Variants in RNF122 observed in about 807,000 individuals in gnomAD.
RNF122 encodes the protein ring finger protein 122.
Under a neutral mutation model 24.2 loss-of-function variants are expected in RNF122, and 17 were observed. That is an observed-to-expected ratio of 0.70 (90% CI 0.48 to 1.06). RNF122 has a LOEUF of 1.06. RNF122 is among the 50% of genes least tolerant of loss of function. RNF122 has a pLI of 0.00. For synonymous variants in RNF122, 65 were observed against 71.8 expected, an observed-to-expected ratio of 0.91 and a Z score of 0.48; for missense variants, 168 against 198.1, an observed-to-expected ratio of 0.85 and a Z score of 0.91.
At chr8:33,561,315 G>A (rs1270284727) in intron 1 of RNF122, among the ~76,000 whole-genome samples, 1 of 152,064 alleles carries the variant, frequency 6.6e-6, no homozygotes, top group Non-Finnish European at 1.5e-5. Flanking sequence ...AGCAGAAGGT[G>A]GCTTGAAAGA....
At position 33,551,014 on chromosome 8, in the gene RNF122, C is replaced by T. The variant is rs201848103; in HGVS notation, c.270+30G>A. The T allele has an allele frequency of 3.1e-6, 5 of 1,611,614 alleles. No homozygotes were observed. The African/African-American group carries it at 6.7e-5, about 22-fold the overall frequency. ...GTGCTGTCTGCCTCACCTGCTGGGGCCCTCCTGCACACTTTCCTGGCACAC... is the reference window on the plus strand; with the variant it reads ...GTGCTGTCTGCCTCACCTGCTGGGGTCCTCCTGCACACTTTCCTGGCACAC... On this transcript the variant is annotated intron_variant, in intron 4 of 5. Transcript: ENST00000256257.
intron 1 of RNF122, among the ~76,000 whole-genome samples, chr8:33,560,745 T>C (rs1216749763): frequency 6.6e-6 from 1 of 151,990 alleles, no homozygotes; most frequent in East Asian, 1.9e-4. Flanking sequence ...GAGATCAGCC[T>C]GGCCAACATG....
intron 2 of RNF122, among the ~76,000 whole-genome samples, chr8:33,554,779 G>C (rs1810424815): frequency 6.6e-6 from 1 of 152,176 alleles, no homozygotes; most frequent in African/African-American, 2.4e-5. Flanking sequence ...GCCAGGTCCT[G>C]AAAATAATGT....
intron 1 of RNF122, among the ~76,000 whole-genome samples, chr8:33,565,538 A>G (rs1810609494): frequency 6.6e-6 from 1 of 152,158 alleles, no homozygotes; most frequent in Non-Finnish European, 1.5e-5. Flanking sequence ...GGCGATTAGT[A>G]TCCAAGGTTT....
In RNF122 at chr8:33,548,717, AG is replaced by A. The variant is rs775944008; in HGVS notation, c.*35del. The A allele has an allele frequency of 7.6e-7, 1 of 1,310,406 alleles. No individual in the cohort carries two copies. Among genetic ancestry groups the A allele is most frequent in the Non-Finnish European group, 1.1e-6 (1 of 903,210 alleles). The allele number at this position is 1,310,406 out of a possible 1,614,324, so 81.2% of individuals were successfully genotyped here. A position where few individuals can be genotyped will look rare whatever the true frequency, so the allele number is the denominator to read the frequency against. On this transcript the variant is annotated 3_prime_UTR_variant, in exon 6 of 6. Transcript: ENST00000256257. ...AGAGGGACCAGACATCCATGAGGCAAGAGGTCTTCTCCAGGTCTCGGTGTAG... is the reference window on the plus strand; with the variant it reads ...AGAGGGACCAGACATCCATGAGGCAAAGGTCTTCTCCAGGTCTCGGTGTAG...
chr8:33,554,040 AAAAGGTCTTTGTACATAC>A, intron 2 of RNF122, among the ~76,000 whole-genome samples: 2 of 152,334 alleles, frequency 1.3e-5, no homozygotes, highest in Admixed American at 1.3e-4. Context: ...CTTGGTCCAG[AAAAGGTCTTTGTACATAC>A]ACATGTGTCT....
intron 1 of RNF122, among the ~76,000 whole-genome samples, chr8:33,564,923 C>T (rs996900865): frequency 2.6e-5 from 4 of 152,150 alleles, no homozygotes; most frequent in Non-Finnish European, 5.9e-5. Context: ...AGTCTAAAAT[C>T]TGATATGAAA....
chr8:33,549,552 C>A (rs1218182819), intron 4 of RNF122, 60 bp from the exon 5 acceptor site: 1 of 1,333,786 alleles, frequency 7.5e-7, no homozygotes, highest in Non-Finnish European at 1.1e-6. Context: ...TCATTCAACC[C>A]CAGACAAGAA....
Position 33,548,651 on chromosome 8 carries a change from T to C in RNF122, c.*102A>G, listed in dbSNP as rs973531310. 1.3e-6 allele frequency: 1 copy of C among 758,380 alleles called. No homozygotes were observed. The highest frequency in any genetic ancestry group is 1.7e-5 in the African/African-American group (1 of 58,226). 47.0% of individuals were successfully genotyped at this position (758,380 alleles called of 1,614,324 possible). ...ACCACCCTTCTCATCACTGGGAAAG[T>C]GATCGTCATCACCCTACAGTCCTGT... is the stretch of plus-strand genomic sequence containing the variant. On this transcript the variant is annotated 3_prime_UTR_variant, in exon 6 of 6. Coordinates refer to ENST00000256257, the MANE Select transcript of RNF122 (RefSeq NM_024787.3).
chr8:33,557,676 A>G (rs1810475952), intron 2 of RNF122, among the ~76,000 whole-genome samples: 1 of 151,962 alleles, frequency 6.6e-6, no homozygotes, highest in Admixed American at 6.6e-5. Context: ...AACAGCCACC[A>G]GTCCCCATGT....
intron 1 of RNF122, among the ~76,000 whole-genome samples, chr8:33,563,091 C>T (rs563079407): frequency 1.2e-4 from 18 of 146,262 alleles, no homozygotes; most frequent in African/African-American, 4.4e-4. Context: ...CCAGCCTGGG[C>T]GACAGAGTGA....
At chr8:33,555,206 G>T (rs1474788393) in intron 2 of RNF122, among the ~76,000 whole-genome samples, 4 of 151,414 alleles carry the variant, frequency 2.6e-5, no homozygotes, top group African/African-American at 4.9e-5. Context: ...GTTTTTTTTT[G>T]TTTGTTTGTT....
chr8:33,566,811 C>A lies in RNF122; in HGVS notation c.-88G>T. 1 of 1,469,880 alleles carries A rather than the reference C, an allele frequency of 6.8e-7. No individual in the cohort carries two copies. Among genetic ancestry groups the A allele is most frequent in the Non-Finnish European group, 9.3e-7 (1 of 1,071,952 alleles). The allele number at this position is 1,469,880 out of a possible 1,614,324, so 91.1% of individuals were successfully genotyped here. A position where few individuals can be genotyped will look rare whatever the true frequency, so the allele number is the denominator to read the frequency against. On this transcript the variant is annotated 5_prime_UTR_variant, in exon 1 of 6. Coordinates refer to ENST00000256257, the MANE Select transcript of RNF122 (RefSeq NM_024787.3). ...GTGGGAGCACTAGCGGCGTGAGGGG[C>A]CGCAGGCGGGGTCGGGGCAGCGCGC...
rs532477704 is a variant in RNF122 at position 33,553,684 on chromosome 8, G to C, written c.183-2295C>G. 1.1e-4 allele frequency among the ~76,000 whole-genome samples: 16 copies of C among 152,374 alleles called. No individual in the cohort carries two copies. The South Asian group carries it at 2.7e-3, about 26-fold the overall frequency. ...CAATCACAAACAGCCCCAGTGGAAG[G>C]GGGTGGGGTGAGAAGCTGAAGCTGC... On this transcript the variant is annotated intron_variant, in intron 2 of 5. Transcript: ENST00000256257.
At chr8:33,553,720 A>G (rs1810410186) in intron 2 of RNF122, among the ~76,000 whole-genome samples, 1 of 152,210 alleles carries the variant, frequency 6.6e-6, no homozygotes, top group Non-Finnish European at 1.5e-5. Context: ...TCCCTGGGTA[A>G]TGGAAGAGGC....
intron 5 of RNF122, 78 bp downstream of exon 5, chr8:33,549,332 G>T: frequency 1.7e-6 from 2 of 1,153,004 alleles, no homozygotes; most frequent in Non-Finnish European, 2.6e-6. Context: ...ATAGAAAGTG[G>T]CAGAGACTGG....
At chr8:33,549,277 G>C (rs570208498) in intron 5 of RNF122, 133 bp downstream of exon 5, 23 of 735,928 alleles carry the variant, frequency 3.1e-5, no homozygotes, top group East Asian at 2.8e-4. Context: ...TCTGGGCTTT[G>C]CTCGGTGTTC....
chr8:33,549,297 C>G (rs1015393796), intron 5 of RNF122, 113 bp downstream of exon 5: 3 of 829,134 alleles, frequency 3.6e-6, no homozygotes, highest in Non-Finnish European at 2.1e-6. Flanking sequence ...CACGTAGGAC[C>G]TGGGGCATCA....
intron 1 of RNF122, among the ~76,000 whole-genome samples, chr8:33,565,805 C>T (rs897136815): frequency 6.6e-6 from 1 of 152,208 alleles, no homozygotes; most frequent in African/African-American, 2.4e-5. Flanking sequence ...CAGCCTCGCA[C>T]CCCAGGGACA....
Sources: allele counts gnomAD v4.1 joint callset (sites outside exome capture counted in the v4.1 genomes callset), GRCh38; gene constraint gnomAD v4.1.1; transcripts MANE v1.5; gene names NCBI Gene and HGNC (gene_info 2026-07-23, HGNC 2026-07-21).